Variants in ATP8A2 observed in about 807,000 individuals in gnomAD.
ATP8A2 encodes phospholipid-transporting ATPase IB.
ATP8A2 carries 100 observed loss-of-function variants against 165.6 expected under a neutral mutation model. The ratio of observed to expected loss-of-function variants is 0.60; its 90% CI spans 0.51 to 0.71. The LOEUF (loss-of-function observed/expected upper bound fraction) is 0.71, where lower values mean the gene tolerates loss of function less well. ATP8A2 is among the 30% of genes least tolerant of loss of function. ATP8A2 has a pLI of 0.00. For missense variants in ATP8A2, 1,227 were observed against 1,479.5 expected (o/e 0.83, Z 2.80); for synonymous variants, 543 against 548.8 (o/e 0.99, Z 0.15).
At chr13:25,899,764 G>A (rs1953678627) in intron 33 of ATP8A2, among the ~76,000 whole-genome samples, 1 of 152,146 alleles carries the variant, frequency 6.6e-6, no homozygotes, top group African/African-American at 2.4e-5. Context: ...TCTTTGTAAA[G>A]GACAGAGCAA....
chr13:25,407,982 T>C (rs1283983197), intron 1 of ATP8A2, among the ~76,000 whole-genome samples: 1 of 152,186 alleles, frequency 6.6e-6, no homozygotes, highest in Admixed American at 6.5e-5. Flanking sequence ...AAAACCTCGA[T>C]GACGGGTTGG....
intron 2 of ATP8A2, among the ~76,000 whole-genome samples, chr13:25,469,945 A>C (rs2035797399): frequency 6.6e-6 from 1 of 152,230 alleles, no homozygotes; most frequent in African/African-American, 2.4e-5. Flanking sequence ...GAGAGACTTC[A>C]GAGGATGTAG....
Position 25,530,581 on chromosome 13 carries a change from C to T in ATP8A2, c.341C>T (p.Pro114Leu). 1 of 1,583,592 alleles carries T rather than the reference C, an allele frequency of 6.3e-7. No individual in the cohort carries two copies. Among genetic ancestry groups the T allele is most frequent in the Non-Finnish European group, 8.6e-7 (1 of 1,160,394 alleles). ...ALLQQIPDVS[P>L]TGRYTTLVPL... ...TTCCAGCAAATTCCAGATGTATCTC[C>T]AACAGGAAGATATACCACCCTGGTG... Residue 114 changes from proline (P) to leucine (L), a missense_variant, in exon 4 of 37, where the codon CCA (proline) becomes CTA (leucine). Physicochemically the swap from Pro to Leu is moderately conservative, Grantham distance 98 (BLOSUM62 -3). This residue lies in a region of ATP8A2 where 356 missense variants were observed against 394.9 expected (regional missense o/e 0.90). Transcript: ENST00000381655.
chr13:26,000,526 G>C (rs528427402), intron 35 of ATP8A2, among the ~76,000 whole-genome samples: 1 of 152,112 alleles, frequency 6.6e-6, no homozygotes, highest in Non-Finnish European at 1.5e-5. Context: ...CCTTCTCTAG[G>C]ATTTGTCAGC....
intron 33 of ATP8A2, chr13:25,871,255 A>G: frequency 2.7e-6 from 1 of 367,044 alleles, no homozygotes; most frequent in Non-Finnish European, 5.3e-6. Flanking sequence ...CAGTGGTCAC[A>G]GTGTACGTCT....
intron 33 of ATP8A2, among the ~76,000 whole-genome samples, chr13:25,925,391 G>A (rs918275791): frequency 4.6e-5 from 7 of 152,032 alleles, no homozygotes; most frequent in African/African-American, 1.2e-4. Flanking sequence ...AAAAGTAGCC[G>A]GGTGTGGTGG....
At chr13:25,852,022 C>G (rs1420689252) in intron 30 of ATP8A2, among the ~76,000 whole-genome samples, 1 of 152,052 alleles carries the variant, frequency 6.6e-6, no homozygotes, top group South Asian at 2.1e-4. Context: ...CATATTGGTT[C>G]TCTCTCCTGA....
chr13:25,403,039 A>G (rs1007791655), intron 1 of ATP8A2, among the ~76,000 whole-genome samples: 5 of 152,190 alleles, frequency 3.3e-5, no homozygotes, highest in Admixed American at 2.6e-4. Flanking sequence ...AGTCCTCTCC[A>G]TGAGAACAGA....
intron 24 of ATP8A2, among the ~76,000 whole-genome samples, chr13:25,674,040 C>G (rs2042320253): frequency 6.6e-6 from 1 of 152,168 alleles, no homozygotes; most frequent in South Asian, 2.1e-4. Flanking sequence ...GGCTTTGGTT[C>G]CACCATGGCT....
At chr13:25,623,409 A>G (rs2041022382) in intron 24 of ATP8A2, among the ~76,000 whole-genome samples, 2 of 152,018 alleles carry the variant, frequency 1.3e-5, no homozygotes, top group African/African-American at 4.8e-5. Context: ...AATAGCAACA[A>G]CAAAAAGCCA....
chr13:25,405,115 T>C (rs1207277934), intron 1 of ATP8A2, among the ~76,000 whole-genome samples: 2 of 152,056 alleles, frequency 1.3e-5, no homozygotes, highest in Non-Finnish European at 2.9e-5. Flanking sequence ...AAAGGGTGTT[T>C]GGGTTCAGCA....
intron 35 of ATP8A2, among the ~76,000 whole-genome samples, chr13:25,988,468 A>C (rs921626886): frequency 6.6e-6 from 1 of 152,206 alleles, no homozygotes; most frequent in Non-Finnish European, 1.5e-5. Flanking sequence ...TGGAAAAGGG[A>C]GGGGAACTCA....
intron 30 of ATP8A2, among the ~76,000 whole-genome samples, chr13:25,853,109 T>G (rs1004389535): frequency 3.3e-5 from 5 of 151,544 alleles, no homozygotes; most frequent in Middle Eastern, 3.2e-3. Flanking sequence ...AACATAGAAT[T>G]TCTTGGTCAG....
chr13:25,684,678 C>G (rs190073625), intron 24 of ATP8A2, among the ~76,000 whole-genome samples: 1 of 152,152 alleles, frequency 6.6e-6, no homozygotes, highest in African/African-American at 2.4e-5. Flanking sequence ...CCAAGAAAAT[C>G]TATTTAAAGC....
Position 25,839,036 on chromosome 13 carries a change from A to G in ATP8A2, c.2878-510A>G, listed in dbSNP as rs866508074. On this transcript the variant is annotated intron_variant, in intron 29 of 36. Transcript: ENST00000381655. ...TAAAAGAAGAAGTTGAGTGAGAGGGATTTGAAGTAGTAAAACAAAAGAGTG... is the reference window on the plus strand; with the variant it reads ...TAAAAGAAGAAGTTGAGTGAGAGGGGTTTGAAGTAGTAAAACAAAAGAGTG... 6.6e-5 allele frequency among the ~76,000 whole-genome samples: 10 copies of G among 152,334 alleles called. No homozygotes were observed. In the South Asian group the frequency reaches 1.5e-3, roughly 22 times the overall value.
intron 24 of ATP8A2, among the ~76,000 whole-genome samples, chr13:25,628,539 A>G (rs531739912): frequency 6.6e-6 from 1 of 152,264 alleles, no homozygotes; most frequent in South Asian, 2.1e-4. Context: ...TTAGTCTTCT[A>G]GGCTGCTATG....
At chr13:25,940,153 T>C (rs1955032431) in intron 33 of ATP8A2, among the ~76,000 whole-genome samples, 1 of 151,788 alleles carries the variant, frequency 6.6e-6, no homozygotes, top group African/African-American at 2.4e-5. Context: ...CACAGCAGCT[T>C]CCAGGGGCTG....
intron 2 of ATP8A2, among the ~76,000 whole-genome samples, chr13:25,487,307 G>A (rs1489819791): frequency 2.6e-5 from 4 of 152,226 alleles, no homozygotes; most frequent in Admixed American, 6.5e-5. Flanking sequence ...ATGATATATA[G>A]ATCAGGTATT....
intron 1 of ATP8A2, among the ~76,000 whole-genome samples, chr13:25,392,685 A>T (rs1414330956): frequency 1.3e-5 from 2 of 152,164 alleles, no homozygotes; most frequent in Admixed American, 6.6e-5. Context: ...CAAAAACAAG[A>T]CCTTAACTTT....
Sources: gnomAD v4.1 joint callset for allele counts (sites outside exome capture counted in the v4.1 genomes callset) on GRCh38, gnomAD v4.1.1 for gene constraint, gnomAD v4.1.1 regional missense constraint, MANE v1.5 for transcripts, NCBI Gene and HGNC (gene_info 2026-07-23, HGNC 2026-07-21) for gene names.